PCDH15: variants seen among roughly 807,000 people sequenced by gnomAD.
PCDH15 encodes protocadherin related 15, also known as protocadherin-15.
A neutral mutation model predicts 178.5 loss-of-function variants in PCDH15; 129 were observed. The observed-to-expected ratio is 0.72, with a 90% confidence interval of 0.63 to 0.84. The LOEUF is 0.84. Among genes scored for constraint, PCDH15 ranks in the 40% least tolerant of loss-of-function variants. The probability of loss-of-function intolerance (pLI) is 0.00; values close to 1 mark genes in which losing one functional copy is unlikely to be tolerated. For missense variants in PCDH15, 2,230 were observed against 2,099.9 expected, an observed-to-expected ratio of 1.06 and a Z score of -1.21; for synonymous variants, 800 against 732.0, an observed-to-expected ratio of 1.09 and a Z score of -1.50.
At chr10:54,101,987 A>T (rs2136164198) in intron 15 of PCDH15, among the ~76,000 whole-genome samples, 1 of 152,252 alleles carries the variant, frequency 6.6e-6, no homozygotes, top group South Asian at 2.1e-4. Flanking sequence ...AATAATATTA[A>T]TAATCATAAT....
Position 55,289,618 on chromosome 10 carries a change from T to C in PCDH15, c.-156+29981A>G, listed in dbSNP as rs542652758. Reference sequence around the variant, plus strand: ...CATCTTATGGACCCCTAAGAATTTGTGCATTTTATATAGGGATCCATAAAT... The same window carrying C: ...CATCTTATGGACCCCTAAGAATTTGCGCATTTTATATAGGGATCCATAAAT... On this transcript the variant is annotated intron_variant, in intron 1 of 5. Coordinates refer to the PCDH15 transcript ENST00000458638. 2.6e-5 allele frequency among the ~76,000 whole-genome samples: 4 copies of C among 152,208 alleles called. 1 individual carries two copies. The South Asian group carries it at 8.3e-4, about 32-fold the overall frequency.
chr10:54,711,950 A>G (rs1389599855), intron 1 of PCDH15, among the ~76,000 whole-genome samples: 2 of 151,866 alleles, frequency 1.3e-5, no homozygotes, highest in African/African-American at 4.8e-5. Context: ...AATTGTATTG[A>G]GATTTGTATA....
At chr10:54,255,351 T>G (rs1564799968) in intron 8 of PCDH15, among the ~76,000 whole-genome samples, 1 of 152,288 alleles carries the variant, frequency 6.6e-6, no homozygotes, top group Non-Finnish European at 1.5e-5. Context: ...TTGCATTGCA[T>G]TTTCATTTAC....
chr10:54,405,581 G>T (rs1305498910), intron 3 of PCDH15, among the ~76,000 whole-genome samples: 1 of 151,708 alleles, frequency 6.6e-6, no homozygotes, highest in African/African-American at 2.4e-5. Flanking sequence ...ATAACTAGTA[G>T]GTACTAGGCT....
intron 1 of PCDH15, among the ~76,000 whole-genome samples, chr10:55,205,862 C>T (rs1175978200): frequency 6.6e-6 from 1 of 152,014 alleles, no homozygotes; most frequent in African/African-American, 2.4e-5. Context: ...CTGGGGAGGC[C>T]TCACAGTCAT....
intron 2 of PCDH15, among the ~76,000 whole-genome samples, chr10:55,624,774 G>T (rs886525530): frequency 6.6e-6 from 1 of 152,040 alleles, no homozygotes; most frequent in Non-Finnish European, 1.5e-5. Context: ...AGAATTTCAT[G>T]TAGATGTTAT....
chr10:54,107,717 G>C (rs1312776518), intron 15 of PCDH15, among the ~76,000 whole-genome samples: 1 of 152,132 alleles, frequency 6.6e-6, no homozygotes, highest in East Asian at 1.9e-4. Context: ...AGGCTATCTG[G>C]GCTGGGTGGG....
intron 2 of PCDH15, among the ~76,000 whole-genome samples, chr10:55,542,393 A>G (rs1286332308): frequency 6.6e-6 from 1 of 150,862 alleles, no homozygotes; most frequent in African/African-American, 2.4e-5. Flanking sequence ...TAGTGTGTAC[A>G]TGGATACATA....
chr10:54,479,561 A>G (rs1252798889), intron 3 of PCDH15, among the ~76,000 whole-genome samples: 1 of 152,028 alleles, frequency 6.6e-6, no homozygotes, highest in African/African-American at 2.4e-5. Context: ...AAAAAGTAAA[A>G]GATCCCTTTT....
intron 8 of PCDH15, among the ~76,000 whole-genome samples, chr10:54,310,945 T>C (rs1178243149): frequency 6.6e-6 from 1 of 152,218 alleles, no homozygotes; most frequent in Admixed American, 6.6e-5. Context: ...GTAATATATT[T>C]AATGTGAGGC....
At chr10:55,401,637 T>TGTGTGTGTGTGTGTG (rs1554862654) in intron 2 of PCDH15, among the ~76,000 whole-genome samples, 2 of 146,040 alleles carry the variant, frequency 1.4e-5, no homozygotes, top group African/African-American at 5.0e-5. Flanking sequence ...TGTGTGTGTG[T>TGTGTGTGTGTGTGTG]AGTGAGTAGC....
chr10:54,655,256 AAGAGAGAGAGAGAGAGAGAGAGAG>A (rs1173377441), intron 2 of PCDH15, among the ~76,000 whole-genome samples: 4 of 48,878 alleles, frequency 8.2e-5, no homozygotes, highest in African/African-American at 2.5e-4. Flanking sequence ...GAAAGAAAGA[AAGAGAGAGAGAGAGAGAGAGAGAG>A]AGAGAGAGAG....
chr10:55,063,360 C>T (rs1217925623), intron 2 of PCDH15, among the ~76,000 whole-genome samples: 1 of 152,046 alleles, frequency 6.6e-6, no homozygotes, highest in Admixed American at 6.6e-5. Flanking sequence ...CCTAATCTCT[C>T]TATTTTTTCC....
chr10:54,805,024 C>T (rs1952757380), upstream of PCDH15, among the ~76,000 whole-genome samples: 1 of 141,956 alleles, frequency 7.0e-6, no homozygotes, highest in Admixed American at 7.5e-5. Context: ...CATTGACTTA[C>T]TCTGGCAAAT....
At chr10:54,667,182 T>C (rs1231711921) in intron 1 of PCDH15, among the ~76,000 whole-genome samples, 1 of 151,966 alleles carries the variant, frequency 6.6e-6, no homozygotes, top group Non-Finnish European at 1.5e-5. Context: ...ATTTCTATAG[T>C]TTTTTTACTC....
chr10:55,569,506 A>G (rs555685094), intron 2 of PCDH15, among the ~76,000 whole-genome samples: 29 of 152,128 alleles, frequency 1.9e-4, no homozygotes, highest in African/African-American at 6.7e-4. Context: ...AAAAACAATC[A>G]AAACAAACAG....
chr10:55,014,436 A>G (rs1371712875), intron 2 of PCDH15, among the ~76,000 whole-genome samples: 1 of 152,176 alleles, frequency 6.6e-6, no homozygotes, highest in East Asian at 1.9e-4. Context: ...TGCAAATGGC[A>G]AGTTCTGCTC....
At chr10:54,332,372 A>AT (rs1476461223) in intron 6 of PCDH15, among the ~76,000 whole-genome samples, 2 of 97,298 alleles carry the variant, frequency 2.1e-5, no homozygotes, top group African/African-American at 8.0e-5. Context: ...TATATTATAT[A>AT]TATAATATAT....
chr10:54,306,134 G>GA (rs78442617), intron 8 of PCDH15, among the ~76,000 whole-genome samples: 176 of 150,400 alleles, frequency 1.2e-3, no homozygotes, highest in African/African-American at 3.0e-3. Context: ...AAGACTCCAG[G>GA]AAAAAAAAAA....
Sources: gnomAD v4.1 joint callset for allele counts (sites outside exome capture counted in the v4.1 genomes callset) on GRCh38, gnomAD v4.1.1 for gene constraint, MANE v1.5 for transcripts, NCBI Gene and HGNC (gene_info 2026-07-23, HGNC 2026-07-21) for gene names.